The following ARSK variants were observed in gnomAD, a reference collection of about 807,000 sequenced individuals.
The protein encoded by ARSK is arylsulfatase K.
In ARSK, 37 loss-of-function variants were observed where a neutral mutation model predicts 53.2. The ratio of observed to expected loss-of-function variants is 0.70; its 90% CI spans 0.54 to 0.92. The LOEUF is 0.92. Ranked by LOEUF, ARSK falls within the 40% of genes least tolerant of loss-of-function variation. The pLI is 0.00. For missense variants in ARSK, 613 were observed against 643.0 expected, an observed-to-expected ratio of 0.95 and a Z score of 0.51; for synonymous variants, 208 against 223.2, an observed-to-expected ratio of 0.93 and a Z score of 0.61.
At position 95,556,265 on chromosome 5, in the gene ARSK, T is replaced by C. The variant is rs1748505742; in HGVS notation, c.126+861T>C. 11 of 701,434 alleles carry C rather than the reference T, an allele frequency of 1.6e-5. No homozygotes were observed. The East Asian group carries it at 2.4e-4, about 15-fold the overall frequency. 43.5% of individuals were successfully genotyped at this position (701,434 alleles called of 1,614,324 possible). On this transcript the variant is annotated intron_variant, in intron 1 of 7. Transcript: ENST00000380009. ...GTGCCCATGGGATTTTTTGAAAATA[T>C]TACTTAAAGTTATCTTTGTGATTTA...
At chr5:95,600,497 C>A in intron 6 of ARSK, 1 of 379,874 alleles carries the variant, frequency 2.6e-6, no homozygotes, top group Admixed American at 3.9e-5. Context: ...GTGATATTAA[C>A]TATTTGTTGA....
chr5:95,580,517 T>A (rs578159392), intron 3 of ARSK, among the ~76,000 whole-genome samples: 1 of 152,346 alleles, frequency 6.6e-6, no homozygotes, highest in South Asian at 2.1e-4. Flanking sequence ...GTAATTGTAA[T>A]AGATTATGAA....
chr5:95,600,691 T>A (rs763625364), intron 6 of ARSK, 156 bp from the exon 7 acceptor site: 1 of 766,148 alleles, frequency 1.3e-6, no homozygotes, highest in Admixed American at 2.0e-5. Context: ...GGGGTAAGCA[T>A]GTGAATTTTG....
intron 4 of ARSK, 24 bp from the exon 5 acceptor site, chr5:95,586,538 C>G (rs1170624166): frequency 1.3e-6 from 2 of 1,587,046 alleles, no homozygotes; most frequent in Non-Finnish European, 1.7e-6. Context: ...GCTAGCATAA[C>G]TAAGTTTTTT....
chr5:95,557,732 G>C (rs1748549798), intron 1 of ARSK, among the ~76,000 whole-genome samples: 1 of 152,182 alleles, frequency 6.6e-6, no homozygotes, highest in Admixed American at 6.5e-5. Flanking sequence ...AGTTAAGCTG[G>C]ATAATAATTG....
chr5:95,573,800 T>C (rs2112423873), intron 3 of ARSK, among the ~76,000 whole-genome samples: 1 of 152,348 alleles, frequency 6.6e-6, no homozygotes, highest in South Asian at 2.1e-4. Context: ...TACAGGCATA[T>C]AATGCGTGAT....
chr5:95,582,939 G>A lies in ARSK; in HGVS notation c.440G>A (p.Arg147Lys). ...AGTAATCGTGTGGAAGCGTGGACAA[G>A]AGATGTTGCTTTCTTACTCAGACAA... ...SISNRVEAWT[R>K]DVAFLLRQEG... Residue 147 changes from arginine (R) to lysine (K), a missense_variant, in exon 4 of 8, where the codon AGA becomes AAA. Coordinates refer to ENST00000380009, the MANE Select transcript of ARSK (RefSeq NM_198150.3). 6.2e-7 allele frequency: 1 copy of A among 1,610,624 alleles called. No homozygotes were observed. Among genetic ancestry groups the A allele is most frequent in the Non-Finnish European group, 8.5e-7 (1 of 1,177,660 alleles).
chr5:95,602,035 G>GA (rs201801396), intron 7 of ARSK, among the ~76,000 whole-genome samples: 14 of 146,698 alleles, frequency 9.5e-5, no homozygotes, highest in African/African-American at 2.0e-4. Context: ...AACTTTAGAA[G>GA]AAAAAAAAAA....
chr5:95,579,386 C>T (rs1179185064), intron 3 of ARSK, among the ~76,000 whole-genome samples: 2 of 152,140 alleles, frequency 1.3e-5, no homozygotes, highest in Non-Finnish European at 2.9e-5. Flanking sequence ...AGGTGAAAGG[C>T]ACATCTTACA....
intron 1 of ARSK, among the ~76,000 whole-genome samples, chr5:95,561,824 C>T (rs1321131383): frequency 6.6e-6 from 1 of 152,162 alleles, no homozygotes. Flanking sequence ...AATGGTTGCA[C>T]AGCTTTCTGA....
chr5:95,586,754 G>A, intron 5 of ARSK, 21 bp downstream of exon 5: 1 of 1,537,070 alleles, frequency 6.5e-7, no homozygotes, highest in East Asian at 2.3e-5. Flanking sequence ...TAATTAATAA[G>A]CAATTACATG....
chr5:95,598,849 G>T (rs1749352851), intron 6 of ARSK, among the ~76,000 whole-genome samples: 3 of 152,168 alleles, frequency 2.0e-5, no homozygotes, highest in Admixed American at 6.5e-5. Flanking sequence ...CTGTACACTT[G>T]CTATTCCCCT....
At chr5:95,566,170 C>T (rs1251761159) in intron 2 of ARSK, 43 bp downstream of exon 2, 1 of 1,595,470 alleles carries the variant, frequency 6.3e-7, no homozygotes, top group African/African-American at 1.4e-5. Flanking sequence ...TGGCTACACA[C>T]TGAAAATATA....
Position 95,591,143 on chromosome 5 carries a change from C to T in ARSK, c.872-258C>T, listed in dbSNP as rs1273584518. On this transcript the variant is annotated intron_variant, in intron 5 of 7. Coordinates refer to ENST00000380009, the MANE Select transcript of ARSK (RefSeq NM_198150.3). Reference sequence around the variant, plus strand: ...TCTGGTAGAAACCTAGAAAACAAGCCGGCATGATCTCCAGATAAGCAGCTT... The same window carrying T: ...TCTGGTAGAAACCTAGAAAACAAGCTGGCATGATCTCCAGATAAGCAGCTT... Among the ~76,000 whole-genome samples the T allele has an allele frequency of 2.6e-5, 4 of 152,138 alleles. No homozygotes were observed. The South Asian group carries it at 6.2e-4, about 24-fold the overall frequency.
At chr5:95,600,808 T>G in intron 6 of ARSK, 39 bp from the exon 7 acceptor site, 29 of 1,529,974 alleles carry the variant, frequency 1.9e-5, no homozygotes, top group Non-Finnish European at 2.4e-5. Context: ...AATAAAAGAA[T>G]GAGCTATTTT....
rs1272241096 is a variant in ARSK, at chr5:95,603,378, T to A, written c.1463T>A (p.Phe488Tyr). The change falls in exon 8 of 8, where the codon TTT becomes TAT. Residue 488 changes from phenylalanine to tyrosine, a missense_variant. Phe to Tyr is a conservative substitution (Grantham distance 22). Coordinates refer to ENST00000380009, the MANE Select transcript of ARSK (RefSeq NM_198150.3). ...GTCCACCAGTATAATAAAGAGCAGT[T>A]TATCAAGTGGAAACAAAGTATAGGA... ...ASVHQYNKEQ[F>Y]IKWKQSIGQN... is the part of the protein sequence containing the mutation. The A allele has an allele frequency of 1.2e-6, 2 of 1,613,742 alleles. No homozygotes were observed. The highest frequency in any genetic ancestry group is 4.5e-5 in the East Asian group (2 of 44,830).
chr5:95,602,158 T>G (rs1749411812), intron 7 of ARSK, among the ~76,000 whole-genome samples: 1 of 152,206 alleles, frequency 6.6e-6, no homozygotes, highest in Non-Finnish European at 1.5e-5. Context: ...AATCTGCTTT[T>G]TGTTCCATGT....
At chr5:95,572,565 T>C (rs1748851356) in intron 3 of ARSK, among the ~76,000 whole-genome samples, 1 of 152,024 alleles carries the variant, frequency 6.6e-6, no homozygotes, top group Non-Finnish European at 1.5e-5. Flanking sequence ...GATCACGAGG[T>C]CAGGAGATTG....
intron 6 of ARSK, 42 bp from the exon 7 acceptor site, chr5:95,600,805 G>A (rs1485050039): frequency 6.6e-7 from 1 of 1,511,346 alleles, no homozygotes; most frequent in South Asian, 1.1e-5. Context: ...GCTAATAAAA[G>A]AATGAGCTAT....
Sources: allele counts gnomAD v4.1 joint callset (sites outside exome capture counted in the v4.1 genomes callset), GRCh38; gene constraint gnomAD v4.1.1; transcripts MANE v1.5; gene names NCBI Gene and HGNC (gene_info 2026-07-23, HGNC 2026-07-21).